Variants in HACD3 observed in about 807,000 individuals in gnomAD.
The protein encoded by HACD3 is very-long-chain (3R)-3-hydroxyacyl-CoA dehydratase 3.
A neutral mutation model predicts 55.2 loss-of-function variants in HACD3; 30 were observed. The observed-to-expected ratio is 0.54, with a 90% CI of 0.41 to 0.74. The LOEUF is 0.74. Among genes scored for constraint, HACD3 ranks in the 30% least tolerant of loss-of-function variants. The pLI, the probability that HACD3 is intolerant of heterozygous loss-of-function variation, is 0.00. For synonymous variants in HACD3, 141 were observed against 151.7 expected, an observed-to-expected ratio of 0.93 and a Z score of 0.52; for missense variants, 363 against 440.1, an observed-to-expected ratio of 0.82 and a Z score of 1.57.
chr15:65,538,493 G>A (rs2141204853), intron 1 of HACD3, among the ~76,000 whole-genome samples: 1 of 152,292 alleles, frequency 6.6e-6, no homozygotes, highest in Middle Eastern at 3.4e-3. Flanking sequence ...AACTTGAAGG[G>A]ATGAGGAGTT....
intron 10 of HACD3, among the ~76,000 whole-genome samples, chr15:65,573,556 C>T (rs965443193): frequency 4.0e-5 from 6 of 149,932 alleles, no homozygotes; most frequent in South Asian, 2.1e-4. Context: ...TACAATGAAC[C>T]GAGATTGTGC....
chr15:65,541,217 T>C (rs2072015988), intron 1 of HACD3, among the ~76,000 whole-genome samples: 1 of 152,182 alleles, frequency 6.6e-6, no homozygotes, highest in East Asian at 1.9e-4. Context: ...TAGAATTTTA[T>C]AGTATCTTAG....
intron 1 of HACD3, among the ~76,000 whole-genome samples, chr15:65,544,838 A>G (rs1055879458): frequency 1.3e-5 from 2 of 152,132 alleles, no homozygotes; most frequent in Non-Finnish European, 2.9e-5. Context: ...CCTGACTAAC[A>G]TGGAGAAACC....
At chr15:65,575,091 ATTC>A (rs1175421459) in intron 10 of HACD3, among the ~76,000 whole-genome samples, 1 of 152,068 alleles carries the variant, frequency 6.6e-6, no homozygotes, top group Non-Finnish European at 1.5e-5. Context: ...CTCTTTTCTT[ATTC>A]TTTAGAATGA....
chr15:65,560,039 G>A (rs1485335169), intron 5 of HACD3, among the ~76,000 whole-genome samples: 1 of 151,684 alleles, frequency 6.6e-6, no homozygotes, highest in Non-Finnish European at 1.5e-5. Flanking sequence ...TTAGGATAAG[G>A]CTGTGTTGTT....
chr15:65,552,844 C>G (rs2072148603), intron 2 of HACD3, among the ~76,000 whole-genome samples: 1 of 150,694 alleles, frequency 6.6e-6, no homozygotes, highest in Non-Finnish European at 1.5e-5. Flanking sequence ...CCTCCCCACT[C>G]CCCCCACCCC....
chr15:65,545,538 G>C (rs915859228), intron 1 of HACD3, among the ~76,000 whole-genome samples: 4 of 151,778 alleles, frequency 2.6e-5, no homozygotes, highest in Admixed American at 2.6e-4. Context: ...CCGCCTCCCG[G>C]GTTCACGCCA....
At chr15:65,547,315 C>A (rs1312893941) in intron 1 of HACD3, among the ~76,000 whole-genome samples, 1 of 152,146 alleles carries the variant, frequency 6.6e-6, no homozygotes, top group Non-Finnish European at 1.5e-5. Flanking sequence ...CAGGGTTTCA[C>A]CATATTGGTC....
At chr15:65,542,479 G>A (rs1476670857) in intron 1 of HACD3, among the ~76,000 whole-genome samples, 1 of 151,970 alleles carries the variant, frequency 6.6e-6, no homozygotes, top group Non-Finnish European at 1.5e-5. Context: ...GCCCAGGCTG[G>A]TTTTGAACTC....
At chr15:65,568,145 C>T (rs1298878581) in intron 7 of HACD3, among the ~76,000 whole-genome samples, 1 of 151,836 alleles carries the variant, frequency 6.6e-6, no homozygotes, top group Admixed American at 6.6e-5. Flanking sequence ...TGGTCTCGAA[C>T]TCCTGACCCC....
chr15:65,577,519 G>C lies in HACD3; in HGVS notation c.*1140G>C, dbSNP rs1301263396. The C allele has an allele frequency of 2.0e-5, 3 of 152,304 alleles. No homozygotes were observed. Among genetic ancestry groups the C allele is most frequent in the African/African-American group, 7.2e-5 (3 of 41,402 alleles). 9.4% of individuals were successfully genotyped at this position (152,304 alleles called of 1,614,324 possible). On this transcript the variant is annotated 3_prime_UTR_variant, in exon 11 of 11. Coordinates refer to ENST00000261875, the MANE Select transcript of HACD3 (RefSeq NM_016395.4). ...GGATCCAAAGGGAACACAGTATGTAGGTCAAACTGGCAGTAACAGTGTACA... is the reference window on the plus strand; with the variant it reads ...GGATCCAAAGGGAACACAGTATGTACGTCAAACTGGCAGTAACAGTGTACA...
chr15:65,563,114 A>G (rs1278320071), intron 6 of HACD3, among the ~76,000 whole-genome samples: 1 of 152,182 alleles, frequency 6.6e-6, no homozygotes, highest in East Asian at 1.9e-4. Context: ...GAGATGGTCA[A>G]AAATGGTTCA....
chr15:65,552,460 C>T (rs188568865), intron 2 of HACD3, among the ~76,000 whole-genome samples: 43 of 152,138 alleles, frequency 2.8e-4, no homozygotes, highest in East Asian at 2.7e-3. Flanking sequence ...CTCAGTCTCC[C>T]GAGTAGCTGG....
intron 1 of HACD3, among the ~76,000 whole-genome samples, chr15:65,541,700 G>A (rs1054207647): frequency 5.3e-5 from 8 of 152,166 alleles, no homozygotes; most frequent in African/African-American, 1.4e-4. Flanking sequence ...ATTTTACCAT[G>A]GTCTCATAGT....
At chr15:65,540,856 G>T (rs1050734127) in intron 1 of HACD3, among the ~76,000 whole-genome samples, 3 of 152,208 alleles carry the variant, frequency 2.0e-5, no homozygotes, top group African/African-American at 7.2e-5. Flanking sequence ...CATTTAGGGA[G>T]GCTGTTATAG....
At chr15:65,562,949 G>A (rs749497150) in intron 6 of HACD3, 65 bp downstream of exon 6, 6 of 1,585,828 alleles carry the variant, frequency 3.8e-6, no homozygotes, top group Admixed American at 3.6e-5. Context: ...TTCACCAAAG[G>A]GAGCACTCTC....
In HACD3 at chr15:65,570,075, T is replaced by C; in HGVS notation, c.661-16T>C. Reference sequence around the variant, plus strand: ...ATTTTATTAACTTTTTTCTCTCTTTTGGGTCTTTCTAATAGCTTCTTGGAA... The same window carrying C: ...ATTTTATTAACTTTTTTCTCTCTTTCGGGTCTTTCTAATAGCTTCTTGGAA... On this transcript the variant is annotated splice_polypyrimidine_tract_variant and intron_variant, in intron 7 of 10. Transcript: ENST00000261875. 3.3e-6 allele frequency: 5 copies of C among 1,506,792 alleles called. No individual in the cohort carries two copies. Among genetic ancestry groups the C allele is most frequent in the Non-Finnish European group, 4.6e-6 (5 of 1,092,488 alleles). 93.3% of individuals were successfully genotyped at this position (1,506,792 alleles called of 1,614,324 possible). A position where few individuals can be genotyped will look rare whatever the true frequency, so the allele number is the denominator to read the frequency against.
At chr15:65,551,301 A>G (rs569682951) in intron 1 of HACD3, among the ~76,000 whole-genome samples, 12 of 152,312 alleles carry the variant, frequency 7.9e-5, no homozygotes, top group Non-Finnish European at 1.5e-4. Context: ...AAAGTGCCTC[A>G]TCTGTCCCAC....
chr15:65,548,971 C>T (rs2141211390), intron 1 of HACD3, among the ~76,000 whole-genome samples: 1 of 152,290 alleles, frequency 6.6e-6, no homozygotes, highest in Non-Finnish European at 1.5e-5. Context: ...AAGTGATCCT[C>T]CCACTTCAGC....
Sources: gnomAD v4.1 joint callset for allele counts (sites outside exome capture counted in the v4.1 genomes callset) on GRCh38, gnomAD v4.1.1 for gene constraint, MANE v1.5 for transcripts, NCBI Gene and HGNC (gene_info 2026-07-23, HGNC 2026-07-21) for gene names.